ADARB2: variants seen among roughly 807,000 people sequenced by gnomAD.
ADARB2 encodes adenosine deaminase RNA specific B2 (inactive).
A neutral mutation model predicts 62.2 loss-of-function variants in ADARB2; 25 were observed. The observed-to-expected ratio is 0.40, with a 90% CI of 0.29 to 0.56. The LOEUF (loss-of-function observed/expected upper bound fraction) is 0.56, where lower values mean the gene tolerates loss of function less well. Among genes scored for constraint, ADARB2 ranks in the 20% least tolerant of loss-of-function variants. ADARB2 has a pLI of 0.43. For missense variants in ADARB2, 1,071 were observed against 1,077.4 expected (o/e 0.99, Z 0.08); for synonymous variants, 572 against 500.8 (o/e 1.14, Z -1.90).
chr10:1,716,085 C>T (rs950942428), intron 1 of ADARB2, among the ~76,000 whole-genome samples: 2 of 152,204 alleles, frequency 1.3e-5, no homozygotes, highest in Admixed American at 6.5e-5. Flanking sequence ...ACTCCTCTCC[C>T]GATTGCTAAC....
chr10:1,544,956 T>TACACACAC lies in ADARB2; in HGVS notation c.101-165804_101-165797dup, dbSNP rs1554770300. 2.3e-3 allele frequency among the ~76,000 whole-genome samples: 303 copies of TACACACAC among 133,936 alleles called. 1 individual carries two copies. The highest frequency in any genetic ancestry group is 7.7e-3 in the African/African-American group (282 of 36,570). The allele number at this position is 133,936 out of a possible 152,430, so 87.9% of individuals were successfully genotyped here. A position where few individuals can be genotyped will look rare whatever the true frequency, so the allele number is the denominator to read the frequency against. Reference sequence around the variant, plus strand: ...ATGTGAAGTCTATAATAGCAAAGTATACACACACACACACACACACACACA... The same window carrying TACACACAC: ...ATGTGAAGTCTATAATAGCAAAGTATACACACACACACACACACACACACACACACACA... On this transcript the variant is annotated intron_variant, in intron 1 of 9. Coordinates refer to ENST00000381312, the MANE Select transcript of ADARB2 (RefSeq NM_018702.4).
intron 1 of ADARB2, among the ~76,000 whole-genome samples, chr10:1,388,238 T>C (rs1243897829): frequency 6.6e-6 from 1 of 152,130 alleles, no homozygotes; most frequent in Non-Finnish European, 1.5e-5. Flanking sequence ...TTTCCTCAAA[T>C]TGATACAGGA....
chr10:1,449,147 G>A (rs1831007685), intron 1 of ADARB2, among the ~76,000 whole-genome samples: 1 of 152,170 alleles, frequency 6.6e-6, no homozygotes, highest in Non-Finnish European at 1.5e-5. Flanking sequence ...CCTCACCCGA[G>A]TGACCCCCAC....
chr10:1,185,042 G>A lies in ADARB2; in HGVS notation c.1865-3C>T, dbSNP rs1452695984. ...GCGCGCCTCGGCGTCACTCACGCCT[G>A]TCGGGGAGATGGGGAAAGGCGGGCG... On this transcript the variant is annotated splice_region_variant and splice_polypyrimidine_tract_variant and intron_variant, in intron 8 of 9. Transcript: ENST00000381312. 6.2e-7 allele frequency: 1 copy of A among 1,609,200 alleles called. No homozygotes were observed. Among genetic ancestry groups the A allele is most frequent in the Admixed American group, 1.7e-5 (1 of 59,866 alleles).
intron 3 of ADARB2, among the ~76,000 whole-genome samples, chr10:1,359,344 T>C (rs1424901238): frequency 6.6e-6 from 1 of 152,190 alleles, no homozygotes; most frequent in Non-Finnish European, 1.5e-5. Flanking sequence ...ATCTGATAAA[T>C]GCCTGCCTTT....
At chr10:1,301,869 CCTG>C (rs954244729) in intron 3 of ADARB2, among the ~76,000 whole-genome samples, 16 of 152,310 alleles carry the variant, frequency 1.1e-4, no homozygotes, top group African/African-American at 3.6e-4. Flanking sequence ...CACACATGCA[CCTG>C]CTCCTCTATT....
chr10:1,464,810 C>A (rs562763166), intron 1 of ADARB2, among the ~76,000 whole-genome samples: 1 of 147,520 alleles, frequency 6.8e-6, no homozygotes, highest in Admixed American at 6.7e-5. Flanking sequence ...CCCCCACACA[C>A]GCACTGGGGG....
chr10:1,216,668 G>A (rs1299225028), intron 7 of ADARB2: 3 of 475,060 alleles, frequency 6.3e-6, no homozygotes, highest in Non-Finnish European at 1.1e-5. Context: ...GCCCCATGCA[G>A]CCACAGCCTG....
At chr10:1,689,187 A>T (rs1224715949) in intron 1 of ADARB2, among the ~76,000 whole-genome samples, 1 of 152,210 alleles carries the variant, frequency 6.6e-6, no homozygotes, top group Non-Finnish European at 1.5e-5. Context: ...CTTGTGCTGG[A>T]GAGGGAAGTA....
At chr10:1,640,340 G>T (rs1174250596) in intron 1 of ADARB2, among the ~76,000 whole-genome samples, 2 of 152,196 alleles carry the variant, frequency 1.3e-5, no homozygotes, top group Admixed American at 6.5e-5. Flanking sequence ...AGATATCATG[G>T]TTCCTGTCCA....
chr10:1,314,673 C>T lies in ADARB2; in HGVS notation c.1078-43604G>A, dbSNP rs138159860. ...GGTGCAGAGCTGAGTCTGAGGTGCC[C>T]AAGATGTGATGATAGTCTGCCAACC... is the stretch of plus-strand genomic sequence containing the variant. On this transcript the variant is annotated intron_variant, in intron 3 of 9. Coordinates refer to ENST00000381312, the MANE Select transcript of ADARB2 (RefSeq NM_018702.4). Among the ~76,000 whole-genome samples, 888 of 152,236 alleles carry T rather than the reference C, an allele frequency of 5.8e-3. 9 individuals carry two copies. The highest frequency in any genetic ancestry group is 0.02 in the African/African-American group (814 of 41,546).
intron 1 of ADARB2, among the ~76,000 whole-genome samples, chr10:1,573,153 A>G (rs923407150): frequency 6.6e-6 from 1 of 152,178 alleles, no homozygotes; most frequent in African/African-American, 2.4e-5. Context: ...GTTTGTTTGG[A>G]GGCAGACAGT....
intron 1 of ADARB2, among the ~76,000 whole-genome samples, chr10:1,396,240 C>T (rs772906255): frequency 1.1e-4 from 16 of 152,148 alleles, no homozygotes; most frequent in Non-Finnish European, 1.8e-4. Flanking sequence ...CTCTTCTCCT[C>T]GTGCGACTCT....
intron 1 of ADARB2, among the ~76,000 whole-genome samples, chr10:1,394,319 G>A (rs1027459063): frequency 2.6e-5 from 4 of 152,184 alleles, no homozygotes; most frequent in African/African-American, 7.2e-5. Flanking sequence ...TCCACTTAAC[G>A]CCATCCACCC....
chr10:1,471,931 G>C (rs1049399362), intron 1 of ADARB2, among the ~76,000 whole-genome samples: 2 of 152,132 alleles, frequency 1.3e-5, no homozygotes, highest in African/African-American at 4.8e-5. Flanking sequence ...TCTGGGTACC[G>C]TCATTTGACC....
chr10:1,695,550 G>A (rs532941919), intron 1 of ADARB2, among the ~76,000 whole-genome samples: 3 of 152,306 alleles, frequency 2.0e-5, no homozygotes, highest in South Asian at 4.2e-4. Context: ...AGAGGCAGAG[G>A]CAAAGGGCAG....
At chr10:1,340,075 A>G in intron 3 of ADARB2, among the ~76,000 whole-genome samples, 1 of 151,816 alleles carries the variant, frequency 6.6e-6, no homozygotes, top group African/African-American at 2.4e-5. Context: ...AGCACCCACC[A>G]GAGAACCACG....
intron 3 of ADARB2, among the ~76,000 whole-genome samples, chr10:1,356,578 A>AG (rs1188856780): frequency 6.6e-6 from 1 of 152,184 alleles, no homozygotes; most frequent in African/African-American, 2.4e-5. Flanking sequence ...GGGATGATGG[A>AG]GGGGAGTTGG....
intron 8 of ADARB2, chr10:1,187,772 G>T (rs1836780488): frequency 5.5e-6 from 2 of 366,964 alleles, no homozygotes; most frequent in African/African-American, 4.1e-5. Flanking sequence ...GAAGGAAGGA[G>T]CTGGTGGGGC....
Sources: allele counts gnomAD v4.1 joint callset (sites outside exome capture counted in the v4.1 genomes callset), GRCh38; gene constraint gnomAD v4.1.1; transcripts MANE v1.5; gene names NCBI Gene and HGNC (gene_info 2026-07-23, HGNC 2026-07-21).